The following TRIM5 variants were observed in gnomAD, a reference collection of about 807,000 sequenced individuals.
The protein encoded by TRIM5 is tripartite motif containing 5.
Under a neutral mutation model 35.6 loss-of-function variants are expected in TRIM5, and 31 were observed. That is an observed-to-expected ratio of 0.87 (90% confidence interval 0.65 to 1.18). TRIM5 has a LOEUF of 1.18. Ranked by LOEUF, TRIM5 falls within the 50% of genes most tolerant of loss-of-function variation. The probability of loss-of-function intolerance (pLI) is 0.00; values close to 1 mark genes in which losing one functional copy is unlikely to be tolerated. For synonymous variants in TRIM5, 243 were observed against 215.6 expected (o/e 1.13, Z -1.11); for missense variants, 609 against 591.6 (o/e 1.03, Z -0.31).
chr11:5,642,628 A>G, the TRIM5 span: 593 of 1,392,740 alleles, frequency 4.3e-4, 8 homozygotes, highest in South Asian at 8.0e-3. Flanking sequence ...AGAATAAGGA[A>G]TATTCTGTGG....
intron 4 of TRIM5, among the ~76,000 whole-genome samples, chr11:5,669,069 T>G (rs1369947854): frequency 6.7e-6 from 1 of 150,282 alleles, no homozygotes; most frequent in Non-Finnish European, 1.5e-5. Flanking sequence ...CAGGACAGTT[T>G]GGTCTACATT....
the TRIM5 span, among the ~76,000 whole-genome samples, chr11:5,597,138 G>A: frequency 6.6e-6 from 1 of 152,204 alleles, no homozygotes; most frequent in Non-Finnish European, 1.5e-5. Context: ...CAGACTGCAT[G>A]TGTTCAAATC....
chr11:5,663,295 C>G lies in TRIM5; in HGVS notation c.*1514G>C. 1.1e-6 allele frequency: 1 copy of G among 945,202 alleles called. No individual in the cohort carries two copies. Among genetic ancestry groups the G allele is most frequent in the Non-Finnish European group, 1.3e-6 (1 of 793,404 alleles). 58.6% of individuals were successfully genotyped at this position (945,202 alleles called of 1,614,324 possible). A position where few individuals can be genotyped will look rare whatever the true frequency, so the allele number is the denominator to read the frequency against. On this transcript the variant is annotated 3_prime_UTR_variant, in exon 8 of 8. Coordinates refer to ENST00000380034, the MANE Select transcript of TRIM5 (RefSeq NM_033034.3). ...ATTTTTTACAATTAATAAACTGATT[C>G]CCACATAATTCAGTTTGTTTGATAA...
Position 5,664,660 on chromosome 11 carries a change from T to C in TRIM5, c.*149A>G, listed in dbSNP as rs906988675. The C allele has an allele frequency of 1.4e-6, 2 of 1,399,398 alleles. No homozygotes were observed. Among genetic ancestry groups the C allele is most frequent in the African/African-American group, 2.9e-5 (2 of 69,522 alleles). 86.7% of individuals were successfully genotyped at this position (1,399,398 alleles called of 1,614,324 possible). On this transcript the variant is annotated 3_prime_UTR_variant, in exon 8 of 8. Coordinates refer to ENST00000380034, the MANE Select transcript of TRIM5 (RefSeq NM_033034.3). ...GGACAATATGGCACAAGGCAATTAT[T>C]ACATTTTACTGATGAGTGAAGGACG...
the TRIM5 span, among the ~76,000 whole-genome samples, chr11:5,637,089 T>G: frequency 6.6e-6 from 1 of 151,972 alleles, no homozygotes. Context: ...AGGAGAATGG[T>G]GTGAACCCAG....
At chr11:5,658,144 G>C in the TRIM5 span, among the ~76,000 whole-genome samples, 1 of 152,130 alleles carries the variant, frequency 6.6e-6, no homozygotes, top group Non-Finnish European at 1.5e-5. Context: ...CCCCCATCCT[G>C]TGCCTATAGC....
the TRIM5 span, among the ~76,000 whole-genome samples, chr11:5,657,575 TATTA>T: frequency 9.8e-6 from 1 of 102,390 alleles, no homozygotes; most frequent in African/African-American, 4.2e-5. Context: ...ATTATTTATA[TATTA>T]TATATAATGC....
At chr11:5,590,011 T>C in the TRIM5 span, 2 of 156,108 alleles carry the variant, frequency 1.3e-5, no homozygotes. Flanking sequence ...AACGAGGGGC[T>C]TAGCACCCGG....
At chr11:5,603,842 G>T in the TRIM5 span, 1 of 1,467,984 alleles carries the variant, frequency 6.8e-7, no homozygotes, top group African/African-American at 1.4e-5. Flanking sequence ...TTTACCTAGA[G>T]AATGAACCTG....
chr11:5,681,270 A>T (rs1251113512), intron 1 of TRIM5, among the ~76,000 whole-genome samples: 1 of 152,168 alleles, frequency 6.6e-6, no homozygotes, highest in Non-Finnish European at 1.5e-5. Context: ...GCGGCCCAAT[A>T]ACGAGATGCA....
intron 4 of TRIM5, among the ~76,000 whole-genome samples, chr11:5,669,534 TA>T (rs1158160123): frequency 2.7e-5 from 3 of 112,112 alleles, no homozygotes; most frequent in Non-Finnish European, 6.1e-5. Context: ...ACAAAGCCAA[TA>T]GCTGGATCTA....
At chr11:5,618,532 T>C in the TRIM5 span, among the ~76,000 whole-genome samples, 1 of 152,238 alleles carries the variant, frequency 6.6e-6, no homozygotes, top group Non-Finnish European at 1.5e-5. Context: ...ATGAAAACTT[T>C]AAGTTGAAAG....
the TRIM5 span, chr11:5,643,211 G>C: frequency 1.2e-6 from 2 of 1,612,862 alleles, no homozygotes; most frequent in Non-Finnish European, 1.7e-6. Flanking sequence ...AGAGACAAGT[G>C]ATATCTGTGC....
the TRIM5 span, among the ~76,000 whole-genome samples, chr11:5,618,079 T>C: frequency 6.6e-6 from 1 of 152,216 alleles, no homozygotes; most frequent in African/African-American, 2.4e-5. Context: ...TATTTATGTA[T>C]CATCTGTGAC....
At chr11:5,598,075 T>C in the TRIM5 span, among the ~76,000 whole-genome samples, 1 of 152,196 alleles carries the variant, frequency 6.6e-6, no homozygotes, top group Admixed American at 6.5e-5. Flanking sequence ...TTTGGGCTCT[T>C]TCTTCTGCTA....
At chr11:5,597,340 C>T in the TRIM5 span, among the ~76,000 whole-genome samples, 928 of 152,234 alleles carry the variant, frequency 6.1e-3, 8 homozygotes, top group Non-Finnish European at 0.01. Context: ...CTGGCAAACT[C>T]CATGCCTAGC....
chr11:5,664,065 G>GT lies in TRIM5; in HGVS notation c.*743dup, dbSNP rs1850944350. 1 of 191,584 alleles carries GT rather than the reference G, an allele frequency of 5.2e-6. No homozygotes were observed. Among genetic ancestry groups the GT allele is most frequent in the East Asian group, 1.9e-4 (1 of 5,354 alleles). The allele number at this position is 191,584 out of a possible 1,614,324, so 11.9% of individuals were successfully genotyped here. ...GAAAATACAAATTTAGCCAGGGGTGGTGGTGGGCACCTGTAATCCCAGCTA... is the reference window on the plus strand; with the variant it reads ...GAAAATACAAATTTAGCCAGGGGTGGTTGGTGGGCACCTGTAATCCCAGCTA... On this transcript the variant is annotated 3_prime_UTR_variant, in exon 8 of 8. Transcript: ENST00000380034.
the TRIM5 span, among the ~76,000 whole-genome samples, chr11:5,592,680 A>C: frequency 2.0e-5 from 3 of 152,146 alleles, no homozygotes; most frequent in South Asian, 6.2e-4. Flanking sequence ...ACTTTGGGAG[A>C]CTGAAGTGGG....
chr11:5,596,715 G>A, the TRIM5 span: 2 of 884,238 alleles, frequency 2.3e-6, no homozygotes, highest in South Asian at 1.5e-5. Flanking sequence ...GCTGGCGGAG[G>A]AGGGATCCCC....
Sources: allele counts gnomAD v4.1 joint callset (sites outside exome capture counted in the v4.1 genomes callset), GRCh38; gene constraint gnomAD v4.1.1; transcripts MANE v1.5; gene names NCBI Gene and HGNC (gene_info 2026-07-23, HGNC 2026-07-21).